The following NECTIN1 variants were observed in gnomAD, a reference collection of about 807,000 sequenced individuals.
The protein encoded by NECTIN1 is nectin cell adhesion molecule 1.
In NECTIN1, 23 loss-of-function variants were observed where a neutral mutation model predicts 48.0. That is an observed-to-expected ratio of 0.48 (90% CI 0.34 to 0.68). The LOEUF is 0.68. Ranked by LOEUF, NECTIN1 falls within the 30% of genes least tolerant of loss-of-function variation. NECTIN1 has a pLI of 0.01. For missense variants in NECTIN1, 591 were observed against 709.9 expected, an observed-to-expected ratio of 0.83 and a Z score of 1.90; for synonymous variants, 270 against 288.9, an observed-to-expected ratio of 0.93 and a Z score of 0.66.
At chr11:119,638,746 C>T in exon 7 of NECTIN1, 1 of 1,613,992 alleles carries the variant, frequency 6.2e-7, no homozygotes, top group Non-Finnish European at 8.5e-7. Flanking sequence ...TATCCTCAGG[C>T]ACAAGGGAGC....
intron 1 of NECTIN1, among the ~76,000 whole-genome samples, chr11:119,715,144 C>A (rs2134338818): frequency 6.6e-6 from 1 of 152,242 alleles, no homozygotes; most frequent in South Asian, 2.1e-4. Flanking sequence ...TGGAGGATGA[C>A]CAACAGGCCA....
intron 5 of NECTIN1, chr11:119,642,866 T>C (rs1864346901): frequency 6.5e-6 from 1 of 153,622 alleles, no homozygotes; most frequent in Non-Finnish European, 1.5e-5. Flanking sequence ...AAGAAAAAGG[T>C]GTACATGTTC....
chr11:119,645,387 T>C (rs1864384077), intron 5 of NECTIN1, among the ~76,000 whole-genome samples: 1 of 152,148 alleles, frequency 6.6e-6, no homozygotes, highest in Admixed American at 6.5e-5. Context: ...CTCCCAAGTC[T>C]TATCTGAATG....
downstream of NECTIN1, among the ~76,000 whole-genome samples, chr11:119,656,134 G>A (rs1248986124): frequency 1.3e-5 from 2 of 152,130 alleles, no homozygotes; most frequent in Non-Finnish European, 2.9e-5. Context: ...GGTCTCAAGC[G>A]ATCCTCCCAC....
chr11:119,708,365 C>A (rs768084857), intron 1 of NECTIN1, among the ~76,000 whole-genome samples: 1 of 152,154 alleles, frequency 6.6e-6, no homozygotes, highest in Non-Finnish European at 1.5e-5. Flanking sequence ...AGGTAGGAGC[C>A]AGTTGTAAAA....
At chr11:119,688,042 GA>G (rs1865190171) in intron 1 of NECTIN1, among the ~76,000 whole-genome samples, 1 of 152,144 alleles carries the variant, frequency 6.6e-6, no homozygotes, top group Non-Finnish European at 1.5e-5. Flanking sequence ...GGGAGGGGTA[GA>G]AAGTAATCTA....
At position 119,663,461 on chromosome 11, in the gene NECTIN1, T is replaced by A; in HGVS notation, c.*1286A>T. The A allele has an allele frequency of 1.0e-6, 1 of 985,510 alleles. No individual in the cohort carries two copies. 61.0% of individuals were successfully genotyped at this position (985,510 alleles called of 1,614,324 possible). A position where few individuals can be genotyped will look rare whatever the true frequency, so the allele number is the denominator to read the frequency against. On this transcript the variant is annotated 3_prime_UTR_variant, in exon 6 of 6. Transcript: ENST00000264025. Reference sequence around the variant, plus strand: ...TCCCAGAATGAGGACCAGGGGTGGCTGAGCAGGAGGTGGCCTAGCGGCCCC... The same window carrying A: ...TCCCAGAATGAGGACCAGGGGTGGCAGAGCAGGAGGTGGCCTAGCGGCCCC...
At chr11:119,643,504 G>T (rs1183475834) in intron 5 of NECTIN1, among the ~76,000 whole-genome samples, 2 of 152,186 alleles carry the variant, frequency 1.3e-5, no homozygotes, top group South Asian at 2.1e-4. Flanking sequence ...TCAGGCTGTG[G>T]GGTCTTAGTA....
chr11:119,678,736 C>T lies in NECTIN1; in HGVS notation c.109G>A (p.Asp37Asn), dbSNP rs758090526. ...GVHSQVVQVN[D>N]SMYGFIGTDV... ...GTGCCGATGAAGCCATACATGGAGT[C>T]GTTCACCTGGACCACCTGGGAGTGG... The change falls in exon 2 of 6, where the codon GAC becomes AAC. Residue 37 changes from aspartate to asparagine, a missense_variant. By Grantham distance (23) the Asp-to-Asn change is conservative (BLOSUM62 1). Transcript: ENST00000264025. This position sits in a 1 kb window ranked among gnomAD's most constrained non-coding sequence, Gnocchi z 4.4. 1.5e-5 allele frequency: 24 copies of T among 1,612,500 alleles called. No homozygotes were observed. The highest frequency in any genetic ancestry group is 1.1e-4 in the East Asian group (5 of 44,854).
chr11:119,667,311 T>G lies in NECTIN1; in HGVS notation c.1004-2014A>C, dbSNP rs117661785. Among the ~76,000 whole-genome samples, 970 of 152,316 alleles carry G rather than the reference T, an allele frequency of 6.4e-3. 2 individuals are homozygous for G. Among genetic ancestry groups the G allele is most frequent in the Non-Finnish European group, 9.7e-3 (663 of 68,026 alleles). ...CCCCTCCTCGGTTCTCACCCAGATC[T>G]GAATGATCTCTCCTGTCTACACCTG... is the stretch of plus-strand genomic sequence containing the variant. On this transcript the variant is annotated intron_variant, in intron 5 of 5. Transcript: ENST00000264025.
intron 5 of NECTIN1, among the ~76,000 whole-genome samples, chr11:119,648,478 C>T (rs1864445791): frequency 9.4e-6 from 1 of 106,588 alleles, no homozygotes; most frequent in South Asian, 2.9e-4. Flanking sequence ...CCAGACTCTT[C>T]CAGCACCAGC....
At chr11:119,708,225 A>C (rs1865580296) in intron 1 of NECTIN1, among the ~76,000 whole-genome samples, 1 of 152,158 alleles carries the variant, frequency 6.6e-6, no homozygotes, top group Non-Finnish European at 1.5e-5. Flanking sequence ...AGACAGAGAC[A>C]GACAGAGAGA....
intron 1 of NECTIN1, among the ~76,000 whole-genome samples, chr11:119,699,678 G>T (rs769312095): frequency 2.0e-5 from 3 of 152,226 alleles, no homozygotes; most frequent in African/African-American, 7.2e-5. Flanking sequence ...TTTGAAAGAC[G>T]CTCAGGTGCA....
intron 4 of NECTIN1, 188 bp from the exon 5 acceptor site, chr11:119,675,498 T>A: frequency 3.2e-6 from 2 of 619,122 alleles, no homozygotes; most frequent in South Asian, 4.0e-5. Context: ...ATTCAGCTTT[T>A]CATATTTGAT....
chr11:119,706,639 T>A (rs1253440889), intron 1 of NECTIN1, among the ~76,000 whole-genome samples: 1 of 152,234 alleles, frequency 6.6e-6, no homozygotes, highest in African/African-American at 2.4e-5. Flanking sequence ...CCACCAGGGC[T>A]TCTAATCGCT....
intron 1 of NECTIN1, among the ~76,000 whole-genome samples, chr11:119,706,096 G>A (rs1865545075): frequency 6.6e-6 from 1 of 152,180 alleles, no homozygotes. Flanking sequence ...CCTCCCCTCG[G>A]CCGCCAGCCA....
intron 1 of NECTIN1, among the ~76,000 whole-genome samples, chr11:119,722,792 A>G (rs562940954): frequency 4.6e-5 from 7 of 152,360 alleles, no homozygotes; most frequent in African/African-American, 1.4e-4. Flanking sequence ...CACGAGTAGC[A>G]GACTCAGAGG....
At position 119,675,307 on chromosome 11, in the gene NECTIN1, T is replaced by A. The variant is rs779577337; in HGVS notation, c.855A>T (p.Leu285=). The change falls in exon 5 of 6, where the codon CTA becomes CTT. Residue 285 remains leucine (L), a synonymous_variant. Coordinates refer to ENST00000264025, the MANE Select transcript of NECTIN1 (RefSeq NM_002855.5). ...PPATEYHWTT[L]NGSLPKGVEA... ...CCACACCCTTGGGGAGAGAGCCATT[T>A]AGCCTGTGGGAAGTGGGAGACACAG... 3.1e-6 allele frequency: 5 copies of A among 1,614,178 alleles called. No individual in the cohort carries two copies. In the Admixed American group the frequency reaches 8.3e-5, roughly 27 times the overall value.
intron 1 of NECTIN1, chr11:119,687,442 C>T (rs1370573353): frequency 6.6e-6 from 1 of 152,230 alleles, no homozygotes; most frequent in Admixed American, 6.5e-5. Context: ...CAACCTGGAA[C>T]CCCCTGGCTC....
Sources: allele counts gnomAD v4.1 joint callset (sites outside exome capture counted in the v4.1 genomes callset), GRCh38; gene constraint gnomAD v4.1.1; non-coding constraint Gnocchi (gnomAD v3.1); transcripts MANE v1.5; gene names NCBI Gene and HGNC (gene_info 2026-07-23, HGNC 2026-07-21).